Variants in EXOC6B observed in about 807,000 individuals in gnomAD.
EXOC6B encodes the protein exocyst complex component 6B, also known as SEC15 homolog B.
In EXOC6B, 54 loss-of-function variants were observed where a neutral mutation model predicts 113.5. The ratio of observed to expected loss-of-function variants is 0.48; its 90% CI spans 0.38 to 0.60. The LOEUF is 0.60. Ranked by LOEUF, EXOC6B falls within the 20% of genes least tolerant of loss-of-function variation. EXOC6B has a pLI of 0.00. For synonymous variants in EXOC6B, 357 were observed against 339.0 expected (o/e 1.05, Z -0.58); for missense variants, 797 against 977.5 (o/e 0.82, Z 2.46).
chr2:72,765,638 A>T (rs1428288517), intron 1 of EXOC6B, among the ~76,000 whole-genome samples: 6 of 152,088 alleles, frequency 3.9e-5, no homozygotes, highest in African/African-American at 1.4e-4. Flanking sequence ...GCGCCATTGC[A>T]CTCCAGCATG....
chr2:72,655,372 A>C (rs190845886), intron 6 of EXOC6B, among the ~76,000 whole-genome samples: 1 of 152,216 alleles, frequency 6.6e-6, no homozygotes, highest in East Asian at 1.9e-4. Flanking sequence ...TAAAAAGAAA[A>C]ATCAGGCAGA....
chr2:72,252,567 A>T (rs1683091729), intron 20 of EXOC6B, among the ~76,000 whole-genome samples: 1 of 152,212 alleles, frequency 6.6e-6, no homozygotes, highest in Non-Finnish European at 1.5e-5. Context: ...GTTCTACTAT[A>T]AACTTTGTGA....
At chr2:72,399,185 AGC>A (rs1369759132) in intron 18 of EXOC6B, among the ~76,000 whole-genome samples, 1 of 152,202 alleles carries the variant, frequency 6.6e-6, no homozygotes, top group African/African-American at 2.4e-5. Flanking sequence ...GATTTGAAAA[AGC>A]ATTTGATAAA....
intron 11 of EXOC6B, among the ~76,000 whole-genome samples, chr2:72,501,132 A>C (rs989802600): frequency 6.6e-5 from 10 of 152,134 alleles, no homozygotes; most frequent in African/African-American, 2.2e-4. Flanking sequence ...AAAACTTTTT[A>C]ATGCTTTGTC....
intron 6 of EXOC6B, among the ~76,000 whole-genome samples, chr2:72,598,784 A>T (rs1451351543): frequency 2.0e-5 from 3 of 152,098 alleles, no homozygotes. Context: ...TATACTCATG[A>T]ATTTGATAAC....
Position 72,695,956 on chromosome 2 carries a change from G to A in EXOC6B, c.669+22147C>T, listed in dbSNP as rs186822700. Among the ~76,000 whole-genome samples the A allele has an allele frequency of 9.5e-3, 1,451 of 152,130 alleles. 12 individuals are homozygous for A. The highest frequency in any genetic ancestry group is 0.012 in the Non-Finnish European group (828 of 68,000). ...GCACTTAACTATTCCACATCAGTTA[G>A]ACCAATGGCTCCGAAGTTTCAAGGT... On this transcript the variant is annotated intron_variant, in intron 6 of 21. Coordinates refer to ENST00000272427, the MANE Select transcript of EXOC6B (RefSeq NM_015189.3).
At chr2:72,319,848 T>A (rs1255898342) in intron 20 of EXOC6B, among the ~76,000 whole-genome samples, 2 of 152,250 alleles carry the variant, frequency 1.3e-5, no homozygotes, top group Admixed American at 1.3e-4. Context: ...AAGCTTTTTT[T>A]TTTTTGAGAC....
At chr2:72,261,807 T>C (rs1201348147) in intron 20 of EXOC6B, among the ~76,000 whole-genome samples, 3 of 152,210 alleles carry the variant, frequency 2.0e-5, no homozygotes, top group African/African-American at 4.8e-5. Flanking sequence ...TTTAACAAGG[T>C]TTCTCAGCCT....
chr2:72,319,867 G>A (rs908972244), intron 20 of EXOC6B, among the ~76,000 whole-genome samples: 6 of 150,784 alleles, frequency 4.0e-5, no homozygotes, highest in African/African-American at 7.3e-5. Context: ...ACGAAGTCTC[G>A]CTCTGTCGCC....
intron 19 of EXOC6B, among the ~76,000 whole-genome samples, chr2:72,341,301 C>T (rs1164161961): frequency 1.3e-5 from 2 of 151,922 alleles, no homozygotes; most frequent in Non-Finnish European, 2.9e-5. Context: ...GTTCTTACCA[C>T]AATTTTAAAA....
chr2:72,676,732 A>T (rs756960461), intron 6 of EXOC6B, among the ~76,000 whole-genome samples: 1 of 152,196 alleles, frequency 6.6e-6, no homozygotes, highest in East Asian at 1.9e-4. Context: ...TGGAGGGGGA[A>T]CCACCGAACA....
chr2:72,520,119 T>A (rs1701411459), intron 8 of EXOC6B, among the ~76,000 whole-genome samples: 2 of 152,226 alleles, frequency 1.3e-5, no homozygotes. Flanking sequence ...TCTCCTCTTG[T>A]TAGGATGCAA....
At chr2:72,284,755 G>T (rs1573175215) in intron 20 of EXOC6B, among the ~76,000 whole-genome samples, 1 of 151,652 alleles carries the variant, frequency 6.6e-6, no homozygotes, top group East Asian at 1.9e-4. Flanking sequence ...AAAATTCCTG[G>T]GACTAACAAG....
chr2:72,596,073 G>T (rs1044209257), intron 6 of EXOC6B, among the ~76,000 whole-genome samples: 1 of 152,152 alleles, frequency 6.6e-6, no homozygotes, highest in Non-Finnish European at 1.5e-5. Context: ...AAGAGGTCTG[G>T]TGAGACAGCC....
chr2:72,246,541 G>A (rs1189593807), intron 20 of EXOC6B, among the ~76,000 whole-genome samples: 3 of 144,672 alleles, frequency 2.1e-5, no homozygotes, highest in East Asian at 2.0e-4. Context: ...TGGGTCTTGC[G>A]CTGTTGCCCA....
At chr2:72,565,348 C>CT (rs1257744165) in intron 7 of EXOC6B, among the ~76,000 whole-genome samples, 18 of 49,566 alleles carry the variant, frequency 3.6e-4, no homozygotes, top group African/African-American at 1.9e-3. Flanking sequence ...GAGACCCTGT[C>CT]TAAAAAAAAA....
chr2:72,599,418 T>C (rs1007759926), intron 6 of EXOC6B, among the ~76,000 whole-genome samples: 1 of 151,990 alleles, frequency 6.6e-6, no homozygotes, highest in Non-Finnish European at 1.5e-5. Context: ...ATGAAGAACA[T>C]CCATAAAAAA....
intron 19 of EXOC6B, among the ~76,000 whole-genome samples, chr2:72,376,188 C>T (rs935847164): frequency 1.3e-5 from 2 of 152,168 alleles, no homozygotes; most frequent in African/African-American, 4.8e-5. Flanking sequence ...TCTGGGTTGA[C>T]ATATACTATC....
rs13003935 is a variant in EXOC6B at position 72,512,383 on chromosome 2, G to A, written c.1167+749C>T. 3.9e-3 allele frequency among the ~76,000 whole-genome samples: 262 copies of A among 66,824 alleles called. 8 individuals are homozygous for A. The highest frequency in any genetic ancestry group is 0.015 in the Middle Eastern group (2 of 132). 43.8% of individuals were successfully genotyped at this position (66,824 alleles called of 152,430 possible). ...AGGAAGGAAAGAAGGAAGGAAGGAA[G>A]GAAGGAAGGAAGGAAGGAAGGAAGG... On this transcript the variant is annotated intron_variant, in intron 11 of 21. Transcript: ENST00000272427.
Sources: allele counts gnomAD v4.1 joint callset (sites outside exome capture counted in the v4.1 genomes callset), GRCh38; gene constraint gnomAD v4.1.1; transcripts MANE v1.5; gene names NCBI Gene and HGNC (gene_info 2026-07-23, HGNC 2026-07-21).